The following UPF1 variants were observed in gnomAD, a reference collection of about 807,000 sequenced individuals.
UPF1 encodes the protein regulator of nonsense transcripts 1.
A neutral mutation model predicts 129.2 loss-of-function variants in UPF1; 9 were observed. That is an observed-to-expected ratio of 0.07 (90% CI 0.04 to 0.12). UPF1 has a LOEUF of 0.12. Ranked by LOEUF, UPF1 falls within the 10% of genes least tolerant of loss-of-function variation. The pLI is 1.00. For synonymous variants in UPF1, 649 were observed against 644.9 expected, an observed-to-expected ratio of 1.01 and a Z score of -0.10; for missense variants, 788 against 1,525.3, an observed-to-expected ratio of 0.52 and a Z score of 8.05.
At chr19:18,862,211 A>G in intron 18 of UPF1, 59 bp downstream of exon 18, 4 of 1,592,116 alleles carry the variant, frequency 2.5e-6, no homozygotes, top group Non-Finnish European at 3.4e-6. Context: ...CTTCCCAGGG[A>G]ATTTGGGGCT....
Position 18,856,084 on chromosome 19 carries a change from G to A in UPF1, c.1704G>A (p.Met568Ile). 1 of 1,613,740 alleles carries A rather than the reference G, an allele frequency of 6.2e-7. No homozygotes were observed. The highest frequency in any genetic ancestry group is 8.5e-7 in the Non-Finnish European group (1 of 1,179,838). The change falls in exon 12 of 24, where the codon ATG becomes ATA. Residue 568 changes from methionine (M) to isoleucine (I), a missense_variant. By Grantham distance (10) the Met-to-Ile change is conservative. Transcript: ENST00000262803. Reference sequence around the variant, plus strand: ...CCCTGCACAACCAGATCAGGAACATGGACAGGTGTGTGTCGAGTCCATCCC... The same window carrying A: ...CCCTGCACAACCAGATCAGGAACATAGACAGGTGTGTGTCGAGTCCATCCC... The part of the protein sequence containing the change: ...FLALHNQIRN[M>I]DSMPELQKLQ...
chr19:18,861,055 C>T (rs2055773565), intron 17 of UPF1, 73 bp downstream of exon 17: 2 of 1,485,680 alleles, frequency 1.3e-6, no homozygotes, highest in Non-Finnish European at 1.8e-6. Flanking sequence ...TTTAAGTTAC[C>T]CCCCAAGAGG....
chr19:18,846,455 G>T (rs1211487876), intron 2 of UPF1, among the ~76,000 whole-genome samples: 1 of 152,042 alleles, frequency 6.6e-6, no homozygotes, highest in African/African-American at 2.4e-5. Context: ...GAGCATCTGG[G>T]GTGGGAGGGT....
intron 1 of UPF1, among the ~76,000 whole-genome samples, chr19:18,836,457 A>T (rs1266783730): frequency 1.3e-5 from 2 of 152,230 alleles, no homozygotes; most frequent in African/African-American, 4.8e-5. Context: ...CATATGATTT[A>T]ATTCATAAAA....
At chr19:18,855,064 G>C in intron 10 of UPF1, 26 bp downstream of exon 10, 5 of 1,613,060 alleles carry the variant, frequency 3.1e-6, no homozygotes, top group Non-Finnish European at 4.2e-6. Context: ...AGCGCGCGGG[G>C]CCTCGCCCAT....
At chr19:18,846,985 A>G (rs1323230850) in intron 2 of UPF1, among the ~76,000 whole-genome samples, 2 of 152,178 alleles carry the variant, frequency 1.3e-5, no homozygotes, top group African/African-American at 4.8e-5. Flanking sequence ...CAGTCACGGC[A>G]GGTTTGGGCC....
intron 3 of UPF1, 65 bp downstream of exon 3, chr19:18,847,898 G>C (rs1314971207): frequency 3.2e-6 from 5 of 1,544,314 alleles, no homozygotes; most frequent in South Asian, 2.3e-5. Context: ...TGTAAATTAT[G>C]GAAATGTTGA....
intron 13 of UPF1, 32 bp from the exon 14 acceptor site, chr19:18,856,845 A>G (rs1326262665): frequency 1.3e-6 from 2 of 1,594,280 alleles, no homozygotes; most frequent in East Asian, 2.2e-5. Context: ...TTTACAGTGC[A>G]GGTGCCCTGA....
In UPF1 at chr19:18,856,765, G is replaced by A. The variant is rs1311118847; in HGVS notation, c.1825-112G>A. 4 of 1,417,668 alleles carry A rather than the reference G, an allele frequency of 2.8e-6. No homozygotes were observed. In the African/African-American group the frequency reaches 5.8e-5, roughly 20 times the overall value. 87.8% of individuals were successfully genotyped at this position (1,417,668 alleles called of 1,614,324 possible). A position where few individuals can be genotyped will look rare whatever the true frequency, so the allele number is the denominator to read the frequency against. ...TGGGAGGGACAGCTTGTTTTTTATAGTGTCAGGGAGGGTGAGAAACAGGAG... is the reference window on the plus strand; with the variant it reads ...TGGGAGGGACAGCTTGTTTTTTATAATGTCAGGGAGGGTGAGAAACAGGAG... On this transcript the variant is annotated intron_variant, in intron 13 of 23. Coordinates refer to ENST00000262803, the MANE Select transcript of UPF1 (RefSeq NM_002911.4).
In UPF1 at chr19:18,865,500, G is replaced by A. The variant is rs776611965; in HGVS notation, c.3019+50G>A. 33 of 1,612,322 alleles carry A rather than the reference G, an allele frequency of 2.0e-5. No homozygotes were observed. Among genetic ancestry groups the A allele is most frequent in the Non-Finnish European group, 2.7e-5 (32 of 1,178,892 alleles). ...GTGTGGCCCTCCTGAGAGCTCTTGA[G>A]GGTGTGCTTGTCTGCGAGGCCCTGG... On this transcript the variant is annotated intron_variant, in intron 21 of 23. Transcript: ENST00000262803. The surrounding 1 kb of genome is among the most constrained non-coding windows in gnomAD (Gnocchi z 6.1).
intron 3 of UPF1, 143 bp downstream of exon 3, chr19:18,847,976 T>A: frequency 1.4e-6 from 1 of 740,494 alleles, no homozygotes; most frequent in Non-Finnish European, 2.3e-6. Context: ...TGGTTTAACT[T>A]GAAACAGATG....
intron 18 of UPF1, 137 bp from the exon 19 acceptor site, chr19:18,863,301 G>C: frequency 8.5e-7 from 1 of 1,172,626 alleles, no homozygotes; most frequent in Non-Finnish European, 1.2e-6. Context: ...CCTGTGGCTG[G>C]CAGCCTGCCT....
chr19:18,858,466 G>A (rs1399480117), intron 15 of UPF1, among the ~76,000 whole-genome samples: 1 of 152,044 alleles, frequency 6.6e-6, no homozygotes, highest in African/African-American at 2.4e-5. Flanking sequence ...CTTCCTGAAT[G>A]ACCAGCAGAG....
At chr19:18,852,707 C>G (rs1228719215) in intron 6 of UPF1, among the ~76,000 whole-genome samples, 24 of 145,124 alleles carry the variant, frequency 1.7e-4, no homozygotes, top group Non-Finnish European at 3.0e-5. Flanking sequence ...TCCTCTCTCT[C>G]TTCCTCCCTC....
chr19:18,852,093 G>A, intron 5 of UPF1, 42 bp from the exon 6 acceptor site: 1 of 1,554,156 alleles, frequency 6.4e-7, no homozygotes, highest in Non-Finnish European at 8.7e-7. Context: ...TTGCATGTAG[G>A]GAAAAACAGG....
In UPF1 at chr19:18,845,991, A is replaced by G. The variant is rs765708365; in HGVS notation, c.243A>G (p.Glu81=). The G allele has an allele frequency of 1.2e-6, 2 of 1,614,020 alleles. No individual in the cohort carries two copies. Among genetic ancestry groups the G allele is most frequent in the Admixed American group, 3.3e-5 (2 of 60,014 alleles). ...AGQLDAQVGP[E]GILQNGAVDD... ...GCGTTCTGCTGCAGGTTGGGCCCGA[A>G]GGCATCCTGCAGAACGGGGCTGTGG... Residue 81 remains glutamate, a synonymous_variant, in exon 2 of 24, where the codon GAA becomes GAG. Coordinates refer to ENST00000262803, the MANE Select transcript of UPF1 (RefSeq NM_002911.4).
At chr19:18,860,231 T>C in intron 15 of UPF1, 90 bp from the exon 16 acceptor site, 1 of 1,356,884 alleles carries the variant, frequency 7.4e-7, no homozygotes, top group Admixed American at 1.7e-5. Flanking sequence ...CCTGCAGCAC[T>C]GTAGCGTAGC....
In UPF1 at chr19:18,867,083, G is replaced by T. The variant is rs2055858151; in HGVS notation, c.*566G>T. Reference sequence around the variant, plus strand: ...GGGTTTTTCTCTTTGTTTTTTTCAAGATTCTTTTAAAGGAGTACTGAAGAA... The same window carrying T: ...GGGTTTTTCTCTTTGTTTTTTTCAATATTCTTTTAAAGGAGTACTGAAGAA... On this transcript the variant is annotated 3_prime_UTR_variant, in exon 24 of 24. Coordinates refer to ENST00000262803, the MANE Select transcript of UPF1 (RefSeq NM_002911.4). 1 of 152,596 alleles carries T rather than the reference G, an allele frequency of 6.6e-6. No homozygotes were observed. Among genetic ancestry groups the T allele is most frequent in the African/African-American group, 2.4e-5 (1 of 41,460 alleles). 9.5% of individuals were successfully genotyped at this position (152,596 alleles called of 1,614,324 possible).
chr19:18,839,695 A>C (rs1335472438), intron 1 of UPF1, among the ~76,000 whole-genome samples: 1 of 152,032 alleles, frequency 6.6e-6, no homozygotes, highest in East Asian at 1.9e-4. Flanking sequence ...CAACCTCTTC[A>C]GCCTGGCCCT....
Sources: allele counts gnomAD v4.1 joint callset (sites outside exome capture counted in the v4.1 genomes callset), GRCh38; gene constraint gnomAD v4.1.1; non-coding constraint Gnocchi (gnomAD v3.1); transcripts MANE v1.5; gene names NCBI Gene and HGNC (gene_info 2026-07-23, HGNC 2026-07-21).